OXR1: variants seen among roughly 807,000 people sequenced by gnomAD.
The protein encoded by OXR1 is oxidation resistance protein 1.
OXR1 carries 41 observed loss-of-function variants against 104.6 expected under a neutral mutation model. The ratio of observed to expected loss-of-function variants is 0.39; its 90% CI spans 0.31 to 0.51. OXR1 has a LOEUF of 0.51. Among genes scored for constraint, OXR1 ranks in the 20% least tolerant of loss-of-function variants. OXR1 has a pLI of 0.77. For synonymous variants in OXR1, 348 were observed against 348.4 expected, an observed-to-expected ratio of 1.00 and a Z score of 0.01; for missense variants, 955 against 1,031.9, an observed-to-expected ratio of 0.93 and a Z score of 1.02.
intron 1 of OXR1, chr8:106,272,329 G>A (rs1159660495): frequency 6.6e-6 from 1 of 152,170 alleles, no homozygotes; most frequent in Admixed American, 6.5e-5. Context: ...TTTTCAGAGA[G>A]ACTTTACCAG....
rs546669236 is a variant in OXR1, at chr8:106,541,989, T to G, written c.220+22850T>G. 1.6e-4 allele frequency among the ~76,000 whole-genome samples: 24 copies of G among 152,324 alleles called. No individual in the cohort carries two copies. In the South Asian group the frequency reaches 4.8e-3, roughly 30 times the overall value. On this transcript the variant is annotated intron_variant, in intron 3 of 16. Coordinates refer to ENST00000517566, the MANE Select transcript of OXR1 (RefSeq NM_001198533.2). ...CTTTCATTTAGCAAATGGACAAAAT[T>G]AAGGCTCAGACATGTTAAGGAGCTT...
intron 3 of OXR1, among the ~76,000 whole-genome samples, chr8:106,579,314 T>C (rs1279291656): frequency 1.3e-5 from 2 of 152,186 alleles, no homozygotes; most frequent in African/African-American, 4.8e-5. Flanking sequence ...TGATCCCTGA[T>C]TTGCCTCAAA....
At chr8:106,422,402 T>G (rs1318874524) in intron 2 of OXR1, among the ~76,000 whole-genome samples, 4 of 152,160 alleles carry the variant, frequency 2.6e-5, no homozygotes, top group African/African-American at 9.7e-5. Context: ...GAATGATAAC[T>G]TTGTATCTAT....
chr8:106,570,800 C>T (rs1817418535), intron 3 of OXR1, among the ~76,000 whole-genome samples: 1 of 152,142 alleles, frequency 6.6e-6, no homozygotes, highest in Non-Finnish European at 1.5e-5. Flanking sequence ...CTACTGTGAA[C>T]AGTTGGGAAC....
intron 3 of OXR1, among the ~76,000 whole-genome samples, chr8:106,625,347 C>A (rs771622422): frequency 1.3e-5 from 2 of 152,118 alleles, no homozygotes; most frequent in Non-Finnish European, 2.9e-5. Context: ...GAGACCACCC[C>A]CTTTCAGAAA....
intron 3 of OXR1, among the ~76,000 whole-genome samples, chr8:106,593,732 C>T (rs1819295902): frequency 6.6e-6 from 1 of 152,130 alleles, no homozygotes; most frequent in Non-Finnish European, 1.5e-5. Flanking sequence ...GCAGAAATCG[C>T]GCCACGGCAC....
intron 3 of OXR1, among the ~76,000 whole-genome samples, chr8:106,527,356 A>T (rs1813761794): frequency 6.6e-6 from 1 of 152,150 alleles, no homozygotes; most frequent in African/African-American, 2.4e-5. Context: ...GGATCTGATC[A>T]AGTCATCCCC....
At chr8:106,560,411 A>G (rs959993849) in intron 3 of OXR1, among the ~76,000 whole-genome samples, 4 of 152,154 alleles carry the variant, frequency 2.6e-5, no homozygotes, top group Non-Finnish European at 5.9e-5. Flanking sequence ...AACACTCCCT[A>G]CTTACTCATT....
chr8:106,588,037 C>T lies in OXR1; in HGVS notation c.220+68898C>T, dbSNP rs543868427. On this transcript the variant is annotated intron_variant, in intron 3 of 16. Coordinates refer to ENST00000517566, the MANE Select transcript of OXR1 (RefSeq NM_001198533.2). ...CACAATCTCGGCTCACTGCAAGCTC[C>T]GCCTGTGGGGTTCACGCCATTCTCC... Among the ~76,000 whole-genome samples the T allele has an allele frequency of 4.0e-5, 6 of 151,726 alleles. No individual in the cohort carries two copies. The South Asian group carries it at 8.4e-4, about 21-fold the overall frequency.
At chr8:106,471,093 G>A (rs1821466904) in intron 2 of OXR1, among the ~76,000 whole-genome samples, 1 of 151,702 alleles carries the variant, frequency 6.6e-6, no homozygotes, top group Non-Finnish European at 1.5e-5. Context: ...TGGGACTGTA[G>A]TGGCTGGGGA....
intron 1 of OXR1, among the ~76,000 whole-genome samples, chr8:106,288,561 A>G (rs13265150): frequency 5.5e-5 from 8 of 146,460 alleles, no homozygotes; most frequent in African/African-American, 7.6e-5. Context: ...TATAGTGTGT[A>G]TATATATGGT....
chr8:106,446,055 A>G (rs1039007740), intron 2 of OXR1, among the ~76,000 whole-genome samples: 1 of 152,176 alleles, frequency 6.6e-6, no homozygotes, highest in African/African-American at 2.4e-5. Context: ...GGCTTTGTGA[A>G]AGTTTTCTTT....
At chr8:106,443,049 ATAAAT>A (rs1819858492) in intron 2 of OXR1, among the ~76,000 whole-genome samples, 1 of 152,124 alleles carries the variant, frequency 6.6e-6, no homozygotes, top group Non-Finnish European at 1.5e-5. Flanking sequence ...ATTTGGTGCT[ATAAAT>A]CTCCCTCTTA....
chr8:106,628,002 T>C (rs2130877063), intron 3 of OXR1, among the ~76,000 whole-genome samples: 1 of 152,296 alleles, frequency 6.6e-6, no homozygotes, highest in Non-Finnish European at 1.5e-5. Flanking sequence ...CTCCCTGCCT[T>C]TCCAATCCAT....
intron 2 of OXR1, among the ~76,000 whole-genome samples, chr8:106,424,282 G>GA (rs1819023074): frequency 6.6e-6 from 1 of 151,980 alleles, no homozygotes; most frequent in African/African-American, 2.4e-5. Context: ...AAATAAAAGG[G>GA]AAAATATCAG....
At position 106,692,896 on chromosome 8, in the gene OXR1, G is replaced by A. The variant is rs772386652; in HGVS notation, c.675+19G>A. On this transcript the variant is annotated intron_variant, in intron 7 of 16. Transcript: ENST00000517566. ...TGGCAAGGTAAAGAATGACACTTTA[G>A]AGAAGACCTTTAATCATGCTTTAGT... is the stretch of plus-strand genomic sequence containing the variant. The A allele has an allele frequency of 4.5e-6, 7 of 1,552,930 alleles. No individual in the cohort carries two copies. The highest frequency in any genetic ancestry group is 6.2e-6 in the Non-Finnish European group (7 of 1,137,878).
intron 1 of OXR1, among the ~76,000 whole-genome samples, chr8:106,311,132 TGTGA>T (rs1252248029): frequency 6.6e-6 from 1 of 152,130 alleles, no homozygotes; most frequent in Non-Finnish European, 1.5e-5. Context: ...TTTTCTACTT[TGTGA>T]GTGTGATTTC....
chr8:106,534,138 C>T (rs1814303969), intron 3 of OXR1, among the ~76,000 whole-genome samples: 1 of 152,142 alleles, frequency 6.6e-6, no homozygotes, highest in Non-Finnish European at 1.5e-5. Context: ...GCTGACTCAA[C>T]AGATCTGGGG....
chr8:106,427,208 G>C (rs776694174), intron 2 of OXR1, among the ~76,000 whole-genome samples: 10 of 152,154 alleles, frequency 6.6e-5, no homozygotes, highest in Non-Finnish European at 1.0e-4. Flanking sequence ...GTCTTGCTCT[G>C]TCGCCCAGGC....
Sources: allele counts gnomAD v4.1 joint callset (sites outside exome capture counted in the v4.1 genomes callset), GRCh38; gene constraint gnomAD v4.1.1; transcripts MANE v1.5; gene names NCBI Gene and HGNC (gene_info 2026-07-23, HGNC 2026-07-21).